The following TMLHE variants were observed in gnomAD, a reference collection of about 807,000 sequenced individuals.
The protein encoded by TMLHE is trimethyllysine hydroxylase, epsilon, also known as trimethyllysine dioxygenase, mitochondrial.
In TMLHE, 18 loss-of-function variants were observed where a neutral mutation model predicts 25.7. The observed-to-expected ratio is 0.70, with a 90% CI of 0.48 to 1.04. The LOEUF (loss-of-function observed/expected upper bound fraction) is 1.04, where lower values mean the gene tolerates loss of function less well. Among genes scored for constraint, TMLHE ranks in the 50% least tolerant of loss-of-function variants. The pLI, the probability that TMLHE is intolerant of heterozygous loss-of-function variation, is 0.00. For synonymous variants in TMLHE, 105 were observed against 97.0 expected, an observed-to-expected ratio of 1.08 and a Z score of -0.49; for missense variants, 236 against 259.0, an observed-to-expected ratio of 0.91 and a Z score of 0.61.
At chrX:155,530,733 G>C (rs1282401287) in intron 2 of TMLHE, among the ~76,000 whole-genome samples, 3 of 112,149 alleles carry the variant, frequency 2.7e-5, no homozygotes, top group African/African-American at 9.7e-5. Context: ...AAAAACTACT[G>C]AACCTTGGGT....
intron 1 of TMLHE, among the ~76,000 whole-genome samples, chrX:155,549,334 G>C (rs781865528): frequency 9.0e-6 from 1 of 110,515 alleles, no homozygotes; most frequent in Admixed American, 9.6e-5. Flanking sequence ...GATTAAGTAT[G>C]TTGTTAGCCA....
intron 1 of TMLHE, among the ~76,000 whole-genome samples, chrX:155,584,156 T>A (rs1384332388): frequency 7.3e-5 from 8 of 110,211 alleles, no homozygotes; most frequent in African/African-American, 1.3e-4. Context: ...AAATAGATAT[T>A]TTTTTAAAAA....
chrX:155,548,741 A>C (rs894802012), intron 1 of TMLHE, among the ~76,000 whole-genome samples: 2 of 110,027 alleles, frequency 1.8e-5, no homozygotes, highest in African/African-American at 6.7e-5. Flanking sequence ...TCTCAAAAAA[A>C]AAAAAGACAT....
At chrX:155,554,468 C>T (rs1472029671) in intron 1 of TMLHE, among the ~76,000 whole-genome samples, 1 of 110,926 alleles carries the variant, frequency 9.0e-6, no homozygotes, top group East Asian at 2.8e-4. Context: ...CTATCGTCTT[C>T]ATGTTGTTTT....
At chrX:155,556,932 T>G (rs1186096373) in intron 1 of TMLHE, among the ~76,000 whole-genome samples, 1 of 112,159 alleles carries the variant, frequency 8.9e-6, no homozygotes, top group Non-Finnish European at 1.9e-5. Flanking sequence ...TCAGCGATAT[T>G]TCTCCCATTT....
intron 1 of TMLHE, among the ~76,000 whole-genome samples, chrX:155,610,472 G>A (rs1446811156): frequency 1.8e-5 from 2 of 111,516 alleles, no homozygotes; most frequent in Non-Finnish European, 3.8e-5. Flanking sequence ...TTTATGGCAT[G>A]TAAATTATCC....
At chrX:155,592,433 G>T (rs953363387) in intron 1 of TMLHE, among the ~76,000 whole-genome samples, 1 of 112,049 alleles carries the variant, frequency 8.9e-6, no homozygotes, top group East Asian at 2.8e-4. Flanking sequence ...AGACACCCAT[G>T]TGGACCACAG....
At chrX:155,595,910 C>T (rs1254419855) in intron 1 of TMLHE, among the ~76,000 whole-genome samples, 1 of 111,765 alleles carries the variant, frequency 8.9e-6, no homozygotes, top group African/African-American at 3.3e-5. Context: ...AGAGAAGCAG[C>T]TTCTACTGAC....
chrX:155,515,399 T>G (rs1281094933), intron 3 of TMLHE, among the ~76,000 whole-genome samples: 1 of 110,506 alleles, frequency 9.0e-6, no homozygotes, highest in African/African-American at 3.3e-5. Flanking sequence ...GTATGTACAT[T>G]TATTTTTAAA....
At chrX:155,530,085 A>G (rs1557336915) in intron 2 of TMLHE, among the ~76,000 whole-genome samples, 1 of 112,077 alleles carries the variant, frequency 8.9e-6, no homozygotes, top group African/African-American at 3.2e-5. Context: ...TGCCCAAAGG[A>G]AATGAAAGTA....
At chrX:155,589,292 A>T (rs950482844) in intron 1 of TMLHE, among the ~76,000 whole-genome samples, 2 of 111,115 alleles carry the variant, frequency 1.8e-5, no homozygotes, top group Non-Finnish European at 3.8e-5. Context: ...TACTAAAAAT[A>T]CAAAAATTAG....
rs190420968 is a variant in TMLHE at position 155,523,281 on chromosome X, C to T, written c.358+1175G>A. ...TTAAGATGTTCTCATATGTTCTTTT[C>T]TTGAAGTTTTATAGTTTTATGTTTT... is the stretch of plus-strand genomic sequence containing the variant. On this transcript the variant is annotated intron_variant, in intron 3 of 7. Coordinates refer to ENST00000334398, the MANE Select transcript of TMLHE (RefSeq NM_018196.4). Among the ~76,000 whole-genome samples, 772 of 111,097 alleles carry T rather than the reference C, an allele frequency of 6.9e-3. 5 individuals are homozygous for T. The highest frequency in any genetic ancestry group is 0.024 in the African/African-American group (732 of 30,568).
At chrX:155,599,846 T>A (rs1557347027) in intron 1 of TMLHE, among the ~76,000 whole-genome samples, 1 of 111,333 alleles carries the variant, frequency 9.0e-6, no homozygotes, top group African/African-American at 3.3e-5. Context: ...GGGAGTGTGT[T>A]GGAAATGTGT....
chrX:155,566,863 T>A (rs1401195487), intron 1 of TMLHE, among the ~76,000 whole-genome samples: 1 of 61,901 alleles, frequency 1.6e-5, no homozygotes, highest in South Asian at 9.6e-4. Context: ...TTCAAAGAAG[T>A]CTTCCTCACT....
At chrX:155,540,747 C>G (rs1002308443) in intron 2 of TMLHE, among the ~76,000 whole-genome samples, 10 of 111,208 alleles carry the variant, frequency 9.0e-5, no homozygotes, top group Non-Finnish European at 1.9e-4. Flanking sequence ...GATGCCCACC[C>G]TCAATATTAC....
rs1158792784 is a variant in TMLHE, at chrX:155,555,475, C to T, written c.-1-10198G>A. 1.4e-4 allele frequency among the ~76,000 whole-genome samples: 16 copies of T among 110,560 alleles called. 1 individual carries two copies. The highest frequency in any genetic ancestry group is 5.0e-4 in the African/African-American group (15 of 30,246). On this transcript the variant is annotated intron_variant, in intron 1 of 7. Coordinates refer to ENST00000334398, the MANE Select transcript of TMLHE (RefSeq NM_018196.4). The stretch of plus-strand genomic sequence containing the variant: ...CACACTGTCTTCCACAATGGTTGAA[C>T]TAGTTTACAGTCCCACCAACAGCGT...
intron 2 of TMLHE, among the ~76,000 whole-genome samples, chrX:155,525,263 C>G (rs782610093): frequency 9.0e-6 from 1 of 111,098 alleles, no homozygotes; most frequent in South Asian, 3.8e-4. Context: ...GGAGCTCTCA[C>G]GAGATCTGGT....
intron 2 of TMLHE, among the ~76,000 whole-genome samples, chrX:155,536,367 T>C (rs1411000609): frequency 9.0e-6 from 1 of 111,568 alleles, no homozygotes; most frequent in East Asian, 2.8e-4. Flanking sequence ...CTACAAATGA[T>C]CTTCTCCTGC....
intron 1 of TMLHE, among the ~76,000 whole-genome samples, chrX:155,546,717 T>G (rs782749741): frequency 9.0e-6 from 1 of 111,343 alleles, no homozygotes; most frequent in Non-Finnish European, 1.9e-5. Flanking sequence ...TTATTGAGAT[T>G]TTGTGGCTGA....
Sources: allele counts gnomAD v4.1 joint callset (sites outside exome capture counted in the v4.1 genomes callset), GRCh38; gene constraint gnomAD v4.1.1; transcripts MANE v1.5; gene names NCBI Gene and HGNC (gene_info 2026-07-23, HGNC 2026-07-21).